PITPNA: variants seen among roughly 807,000 people sequenced by gnomAD.
PITPNA encodes phosphatidylinositol transfer protein alpha isoform.
A neutral mutation model predicts 50.3 loss-of-function variants in PITPNA; 13 were observed. The ratio of observed to expected loss-of-function variants is 0.26; its 90% CI spans 0.17 to 0.41. PITPNA has a LOEUF of 0.41. Among genes scored for constraint, PITPNA ranks in the 10% least tolerant of loss-of-function variants. The pLI is 1.00. For missense variants in PITPNA, 207 were observed against 333.4 expected (o/e 0.62, Z 2.95); for synonymous variants, 120 against 119.6 (o/e 1.00, Z -0.02).
chr17:1,549,000 C>T (rs780104350), intron 3 of PITPNA, among the ~76,000 whole-genome samples: 15 of 152,150 alleles, frequency 9.9e-5, no homozygotes, highest in Non-Finnish European at 1.6e-4. Context: ...CTCCAGGGTC[C>T]CAGTTCAAGC....
chr17:1,540,624 T>C (rs1334550230), intron 6 of PITPNA, among the ~76,000 whole-genome samples: 1 of 151,910 alleles, frequency 6.6e-6, no homozygotes, highest in Non-Finnish European at 1.5e-5. Context: ...TGTCTCGCTC[T>C]GTCACCCAAG....
At position 1,521,520 on chromosome 17, in the gene PITPNA, TTGAAACCC is replaced by T; in HGVS notation, c.*22+51_*22+58del. 3 of 1,289,284 alleles carry T rather than the reference TTGAAACCC, an allele frequency of 2.3e-6. No individual in the cohort carries two copies. In the South Asian group the frequency reaches 3.6e-5, roughly 15 times the overall value. 79.9% of individuals were successfully genotyped at this position (1,289,284 alleles called of 1,614,324 possible). On this transcript the variant is annotated intron_variant, in intron 11 of 11. Coordinates refer to ENST00000313486, the MANE Select transcript of PITPNA (RefSeq NM_006224.4). ...GACTCCATAGTGAGCTGCTGAGGCC[TTGAAACCC>T]AAACTGATTTTAGCGTCTGTGACAC...
chr17:1,561,841 C>CTCCCCA (rs1057501843), intron 1 of PITPNA, among the ~76,000 whole-genome samples: 1 of 152,294 alleles, frequency 6.6e-6, no homozygotes, highest in African/African-American at 2.4e-5. Context: ...GCGGCCACTC[C>CTCCCCA]TCCCCATCCC....
chr17:1,544,602 G>C (rs2075663792), intron 4 of PITPNA, among the ~76,000 whole-genome samples: 1 of 152,218 alleles, frequency 6.6e-6, no homozygotes, highest in Non-Finnish European at 1.5e-5. Context: ...CTTTTGCAGT[G>C]GGAGAGCAGA....
In PITPNA at chr17:1,558,571, G is replaced by A. The variant is rs2075750945; in HGVS notation, c.21-12C>T. 1.3e-6 allele frequency: 2 copies of A among 1,594,886 alleles called. No individual in the cohort carries two copies. Among genetic ancestry groups the A allele is most frequent in the Admixed American group, 1.7e-5 (1 of 59,522 alleles). On this transcript the variant is annotated splice_polypyrimidine_tract_variant and intron_variant, in intron 1 of 11. Transcript: ENST00000313486. Reference sequence around the variant, plus strand: ...GCAGGATTACTCGACTATAAGAAAGGGAAAAGAGAGTATCAACTTTAGGCT... The same window carrying A: ...GCAGGATTACTCGACTATAAGAAAGAGAAAAGAGAGTATCAACTTTAGGCT...
chr17:1,535,016 G>A (rs553857968), intron 9 of PITPNA, among the ~76,000 whole-genome samples, 166 bp downstream of exon 9: 1 of 151,904 alleles, frequency 6.6e-6, no homozygotes, highest in South Asian at 2.1e-4. Context: ...GGCCTCAGCC[G>A]AGCTACTTAC....
At chr17:1,542,767 C>T (rs1387440335) in intron 5 of PITPNA, among the ~76,000 whole-genome samples, 1 of 152,190 alleles carries the variant, frequency 6.6e-6, no homozygotes, top group Non-Finnish European at 1.5e-5. Context: ...GGAGGCAGGG[C>T]CTCGAGCCAC....
intron 10 of PITPNA, among the ~76,000 whole-genome samples, chr17:1,522,538 A>G (rs991176660): frequency 5.3e-5 from 8 of 151,904 alleles, no homozygotes; most frequent in African/African-American, 1.9e-4. Context: ...ACGCCCAGCT[A>G]ATTTTTGTAT....
At position 1,521,597 on chromosome 17, in the gene PITPNA, G is replaced by C; in HGVS notation, c.*4C>G. 6.2e-7 allele frequency: 1 copy of C among 1,612,158 alleles called. No individual in the cohort carries two copies. The highest frequency in any genetic ancestry group is 8.5e-7 in the Non-Finnish European group (1 of 1,178,252). ...TACGTACAGTGCAGAGGGGAAAGGC[G>C]GCTTTAGTCATCTGCTGTCATTCCT... On this transcript the variant is annotated 3_prime_UTR_variant, in exon 11 of 12. Coordinates refer to ENST00000313486, the MANE Select transcript of PITPNA (RefSeq NM_006224.4).
At chr17:1,528,776 A>G (rs1367847188) in intron 10 of PITPNA, among the ~76,000 whole-genome samples, 2 of 151,864 alleles carry the variant, frequency 1.3e-5, no homozygotes, top group East Asian at 3.8e-4. Context: ...AGCTACTTCC[A>G]TAATTGGGGA....
At chr17:1,533,913 A>G (rs2075599091) in intron 10 of PITPNA, among the ~76,000 whole-genome samples, 186 bp downstream of exon 10, 1 of 151,964 alleles carries the variant, frequency 6.6e-6, no homozygotes. Flanking sequence ...TCAACTGTCA[A>G]TTCAAGAGCA....
chr17:1,526,324 G>C (rs1026657430), intron 10 of PITPNA, among the ~76,000 whole-genome samples: 27 of 152,234 alleles, frequency 1.8e-4, no homozygotes, highest in Non-Finnish European at 4.4e-5. Context: ...AAACTGAGGA[G>C]TGGCACCAGA....
intron 10 of PITPNA, among the ~76,000 whole-genome samples, chr17:1,528,690 T>C (rs980601407): frequency 6.6e-6 from 1 of 150,766 alleles, no homozygotes; most frequent in African/African-American, 2.4e-5. Flanking sequence ...TGAGCTATGA[T>C]CACAGCACTG....
Position 1,535,266 on chromosome 17 carries a change from G to T in PITPNA, c.561C>A (p.Cys187Ter). Reference sequence around the variant, plus strand: ...CCAGTTTGTATGCACACATATATGGGCAGTCCTTCTGGTTTACAAGCTCTT... The same window carrying T: ...CCAGTTTGTATGCACACATATATGGTCAGTCCTTCTGGTTTACAAGCTCTT... ...WKQELVNQKDCPYMCAYKLVT... is the reference protein window; with the variant it reads ...WKQELVNQKD The change falls in exon 9 of 12, where the codon TGC becomes TGA. Residue 187 changes from cysteine (C) to a stop codon, truncating the protein, a stop_gained. Coordinates refer to ENST00000313486, the MANE Select transcript of PITPNA (RefSeq NM_006224.4). LOFTEE classifies it high-confidence loss of function. 6.2e-7 allele frequency: 1 copy of T among 1,613,402 alleles called. No homozygotes were observed. Among genetic ancestry groups the T allele is most frequent in the Non-Finnish European group, 8.5e-7 (1 of 1,179,290 alleles).
chr17:1,542,697 G>A (rs1199878457), intron 5 of PITPNA, among the ~76,000 whole-genome samples: 1 of 152,190 alleles, frequency 6.6e-6, no homozygotes, highest in Non-Finnish European at 1.5e-5. Context: ...ATGGGGAAGG[G>A]ATGTCGGTCA....
At chr17:1,540,314 ATAGAGTAAC>A (rs1414061803) in intron 6 of PITPNA, among the ~76,000 whole-genome samples, 1 of 152,250 alleles carries the variant, frequency 6.6e-6, no homozygotes, top group Non-Finnish European at 1.5e-5. Context: ...AGGATACAAT[ATAGAGTAAC>A]TAGAGTAACT....
At chr17:1,546,877 G>A (rs916541342) in intron 4 of PITPNA, among the ~76,000 whole-genome samples, 6 of 152,144 alleles carry the variant, frequency 3.9e-5, no homozygotes, top group African/African-American at 1.4e-4. Flanking sequence ...ACTCTATGCA[G>A]GAGACTGGCC....
At position 1,521,682 on chromosome 17, in the gene PITPNA, G is replaced by A. The variant is rs201178420; in HGVS notation, c.769-37C>T. ...AAAGCAGGACAAATGGAAGGCTCCT[G>A]CTGCTGATGGAACTCCTGCCTTCTC... On this transcript the variant is annotated intron_variant, in intron 10 of 11. Transcript: ENST00000313486. 3.7e-4 allele frequency: 584 copies of A among 1,574,400 alleles called. 6 individuals are homozygous for A. The Middle Eastern group carries it at 5.6e-3, about 15-fold the overall frequency.
chr17:1,524,045 C>CTTTTTTT (rs71148495), intron 10 of PITPNA, among the ~76,000 whole-genome samples: 1 of 101,922 alleles, frequency 9.8e-6, no homozygotes, highest in Non-Finnish European at 2.0e-5. Context: ...TTTCTTTTTT[C>CTTTTTTT]TTTTTTTTTT....
Sources: gnomAD v4.1 joint callset for allele counts (sites outside exome capture counted in the v4.1 genomes callset) on GRCh38, gnomAD v4.1.1 for gene constraint, MANE v1.5 for transcripts, NCBI Gene and HGNC (gene_info 2026-07-23, HGNC 2026-07-21) for gene names.